Variants in IMMP2L observed in about 807,000 individuals in gnomAD.
IMMP2L encodes inner mitochondrial membrane peptidase subunit 2.
In IMMP2L, 18 loss-of-function variants were observed where a neutral mutation model predicts 19.3. The observed-to-expected ratio is 0.93, with a 90% confidence interval of 0.64 to 1.38. IMMP2L has a LOEUF of 1.38. Ranked by LOEUF, IMMP2L falls within the 40% of genes most tolerant of loss-of-function variation. IMMP2L has a pLI of 0.00. For synonymous variants in IMMP2L, 76 were observed against 73.0 expected, an observed-to-expected ratio of 1.04 and a Z score of -0.21; for missense variants, 233 against 218.2, an observed-to-expected ratio of 1.07 and a Z score of -0.43.
intron 3 of IMMP2L, among the ~76,000 whole-genome samples, chr7:111,140,097 C>T (rs1371882879): frequency 6.6e-6 from 1 of 151,856 alleles, no homozygotes; most frequent in African/African-American, 2.4e-5. Context: ...CAACTAAAAA[C>T]AGTGAGACAT....
At chr7:111,232,754 C>T (rs1384263501) in intron 3 of IMMP2L, among the ~76,000 whole-genome samples, 2 of 152,048 alleles carry the variant, frequency 1.3e-5, no homozygotes, top group African/African-American at 4.8e-5. Context: ...TCTACAGTTT[C>T]TCCTTGTTTA....
At chr7:111,100,131 T>C (rs74556040) in intron 3 of IMMP2L, among the ~76,000 whole-genome samples, 2,720 of 151,560 alleles carry the variant, frequency 0.018, 94 homozygotes, top group African/African-American at 0.062. Context: ...CATGTATTTC[T>C]TTTTTTTAAA....
chr7:111,300,214 T>C (rs1022392874), intron 3 of IMMP2L, among the ~76,000 whole-genome samples: 4 of 152,016 alleles, frequency 2.6e-5, no homozygotes, highest in African/African-American at 7.2e-5. Context: ...AGTGCAGAGA[T>C]TTGTTTGCAG....
intron 3 of IMMP2L, among the ~76,000 whole-genome samples, chr7:111,297,836 T>A (rs1466500098): frequency 6.6e-6 from 1 of 152,058 alleles, no homozygotes; most frequent in Non-Finnish European, 1.5e-5. Context: ...AGTCCATTTA[T>A]ACAAAATCTA....
At chr7:111,481,746 T>C (rs925941218) in intron 3 of IMMP2L, among the ~76,000 whole-genome samples, 8 of 152,290 alleles carry the variant, frequency 5.3e-5, no homozygotes, top group Admixed American at 3.9e-4. Flanking sequence ...GTGTTTTCCA[T>C]CTCAGACTTT....
rs1825070354 is a variant in IMMP2L at position 111,012,499 on chromosome 7, ATATT to A, written c.240-48938_240-48935del. ...ACAATGAAATAATTCACATATAGTA[ATATT>A]TATATATGATATTAACATAGGGGCA... On this transcript the variant is annotated intron_variant, in intron 3 of 5. Transcript: ENST00000405709. Among the ~76,000 whole-genome samples the A allele has an allele frequency of 4.6e-5, 7 of 152,322 alleles. No homozygotes were observed. In the East Asian group the frequency reaches 1.2e-3, roughly 25 times the overall value.
intron 3 of IMMP2L, among the ~76,000 whole-genome samples, chr7:111,446,186 A>C (rs1005064279): frequency 9.9e-5 from 15 of 152,158 alleles, no homozygotes; most frequent in East Asian, 1.9e-4. Flanking sequence ...CTGGAAGCTC[A>C]AACTGGGTGG....
chr7:111,314,606 C>G (rs1482113348), intron 3 of IMMP2L, among the ~76,000 whole-genome samples: 1 of 152,086 alleles, frequency 6.6e-6, no homozygotes, highest in African/African-American at 2.4e-5. Flanking sequence ...AATGCAATAA[C>G]TACTGAAGTA....
At chr7:111,365,450 A>G (rs1481168647) in intron 3 of IMMP2L, among the ~76,000 whole-genome samples, 2 of 152,132 alleles carry the variant, frequency 1.3e-5, no homozygotes, top group Non-Finnish European at 2.9e-5. Flanking sequence ...TTCCTACAAC[A>G]TGGCAGCCAG....
chr7:111,441,588 T>C (rs548399909), intron 3 of IMMP2L, among the ~76,000 whole-genome samples: 1 of 151,576 alleles, frequency 6.6e-6, no homozygotes, highest in South Asian at 2.1e-4. Context: ...ATAGCAGATA[T>C]AATAACAAAA....
intron 5 of IMMP2L, among the ~76,000 whole-genome samples, chr7:110,686,370 C>T (rs1793113665): frequency 1.3e-5 from 2 of 151,930 alleles, no homozygotes; most frequent in South Asian, 4.2e-4. Context: ...TCTTGGTAAA[C>T]TCATCCACAC....
At chr7:110,755,732 C>T (rs1005991374) in intron 5 of IMMP2L, among the ~76,000 whole-genome samples, 7 of 151,992 alleles carry the variant, frequency 4.6e-5, no homozygotes, top group South Asian at 4.1e-4. Flanking sequence ...AGAAGAGAAG[C>T]GGAAGTTTGC....
At chr7:111,212,855 C>T (rs1227052896) in intron 3 of IMMP2L, among the ~76,000 whole-genome samples, 1 of 152,168 alleles carries the variant, frequency 6.6e-6, no homozygotes, top group Non-Finnish European at 1.5e-5. Context: ...ACTGCATTTC[C>T]CATCTCCTGC....
chr7:111,451,857 C>T (rs1800838387), intron 3 of IMMP2L, among the ~76,000 whole-genome samples: 1 of 151,982 alleles, frequency 6.6e-6, no homozygotes, highest in African/African-American at 2.4e-5. Context: ...TCACTAGAAG[C>T]ATATGCAAGA....
chr7:111,474,831 T>C (rs1841582038), intron 3 of IMMP2L, among the ~76,000 whole-genome samples: 1 of 152,136 alleles, frequency 6.6e-6, no homozygotes, highest in Admixed American at 6.6e-5. Context: ...GATCATCTAG[T>C]AGAATAATGA....
intron 3 of IMMP2L, chr7:111,390,554 A>C (rs1832246743): frequency 6.6e-6 from 1 of 152,148 alleles, no homozygotes; most frequent in South Asian, 2.1e-4. Context: ...TTCTGTCTCT[A>C]AATCTCATCC....
intron 3 of IMMP2L, among the ~76,000 whole-genome samples, chr7:111,194,620 G>A (rs1381490908): frequency 6.6e-6 from 1 of 152,120 alleles, no homozygotes; most frequent in Non-Finnish European, 1.5e-5. Flanking sequence ...TAGATGTTGT[G>A]AATGAATAGT....
At chr7:110,873,930 G>A (rs1022632483) in intron 5 of IMMP2L, among the ~76,000 whole-genome samples, 4 of 152,038 alleles carry the variant, frequency 2.6e-5, no homozygotes, top group East Asian at 1.9e-4. Flanking sequence ...TCTTAAGGAG[G>A]GGCTACTACT....
intron 3 of IMMP2L, among the ~76,000 whole-genome samples, chr7:111,051,817 A>G (rs1448211026): frequency 6.6e-6 from 1 of 152,236 alleles, no homozygotes; most frequent in African/African-American, 2.4e-5. Context: ...TATCTTTTAG[A>G]ATAGGTGACA....
Sources: gnomAD v4.1 joint callset for allele counts (sites outside exome capture counted in the v4.1 genomes callset) on GRCh38, gnomAD v4.1.1 for gene constraint, MANE v1.5 for transcripts, NCBI Gene and HGNC (gene_info 2026-07-23, HGNC 2026-07-21) for gene names.